The following PLXNA4 variants were observed in gnomAD, a reference collection of about 807,000 sequenced individuals.
PLXNA4 encodes plexin-A4.
A neutral mutation model predicts 191.8 loss-of-function variants in PLXNA4; 44 were observed. The ratio of observed to expected loss-of-function variants is 0.23; its 90% confidence interval spans 0.18 to 0.29. PLXNA4 has a LOEUF of 0.29. PLXNA4 is among the 10% of genes least tolerant of loss of function. The pLI, the probability that PLXNA4 is intolerant of heterozygous loss-of-function variation, is 1.00. For synonymous variants in PLXNA4, 1,082 were observed against 1,009.5 expected (o/e 1.07, Z -1.36); for missense variants, 1,800 against 2,488.8 (o/e 0.72, Z 5.89).
chr7:132,378,186 C>A (rs1042496683), intron 3 of PLXNA4, among the ~76,000 whole-genome samples: 2 of 152,204 alleles, frequency 1.3e-5, no homozygotes, highest in African/African-American at 4.8e-5. Flanking sequence ...GGAGCACTAG[C>A]TGTGGCAGCT....
At chr7:132,372,090 C>A (rs1804464453) in intron 3 of PLXNA4, among the ~76,000 whole-genome samples, 2 of 152,216 alleles carry the variant, frequency 1.3e-5, no homozygotes, top group African/African-American at 2.4e-5. Flanking sequence ...ACACTCCCAC[C>A]AGCTGTACTC....
At chr7:132,300,260 A>G (rs1801254158) in intron 3 of PLXNA4, among the ~76,000 whole-genome samples, 1 of 152,060 alleles carries the variant, frequency 6.6e-6, no homozygotes, top group East Asian at 1.9e-4. Context: ...TCCTACCACC[A>G]GTTACATGAG....
chr7:132,368,856 G>T (rs1804306107), intron 3 of PLXNA4, among the ~76,000 whole-genome samples: 1 of 152,180 alleles, frequency 6.6e-6, no homozygotes, highest in Admixed American at 6.5e-5. Context: ...TGGATTTCAG[G>T]CAATGACCTT....
chr7:132,528,255 A>G (rs1799484500), intron 1 of PLXNA4, among the ~76,000 whole-genome samples: 1 of 152,192 alleles, frequency 6.6e-6, no homozygotes, highest in African/African-American at 2.4e-5. Context: ...GAGGCGCAGC[A>G]GTTGGACACG....
intron 2 of PLXNA4, among the ~76,000 whole-genome samples, chr7:132,623,327 CAA>C (rs1361610295): frequency 1.4e-5 from 2 of 144,546 alleles, no homozygotes; most frequent in Non-Finnish European, 1.5e-5. Context: ...GCCTGGGTGA[CAA>C]GAGCAAAATT....
chr7:132,365,370 C>CGCGCGT (rs1481756284), intron 3 of PLXNA4, among the ~76,000 whole-genome samples: 122 of 139,266 alleles, frequency 8.8e-4, no homozygotes, highest in East Asian at 6.0e-4. Context: ...TGCGTGCGCG[C>CGCGCGT]GCATGCATGG....
chr7:132,478,369 T>C (rs953993526), intron 3 of PLXNA4, among the ~76,000 whole-genome samples: 15 of 152,190 alleles, frequency 9.9e-5, no homozygotes, highest in African/African-American at 3.1e-4. Flanking sequence ...CATGCAACAT[T>C]TAAAAAAATA....
rs1425586989 is a variant in PLXNA4, at chr7:132,202,798, C to T, written c.2434G>A (p.Gly812Arg). 2 of 1,607,734 alleles carry T rather than the reference C, an allele frequency of 1.2e-6. No homozygotes were observed. The highest frequency in any genetic ancestry group is 1.1e-5 in the South Asian group (1 of 89,918). ...YKCGAMRESC[G>R]LCLKADPDFA... ...TCTGGGTCAGCCTTGAGGCACAGCC[C>T]GCAGCTCTCACGCATGGCTCCACAC... is the stretch of plus-strand genomic sequence containing the variant. Residue 812 changes from glycine to arginine, a missense_variant, in exon 12 of 32, where the codon GGG becomes AGG. Around this residue, in one of 6 missense-constraint regions of PLXNA4, gnomAD observed 1,397 missense variants for 1,880.4 expected, o/e 0.74. Transcript: ENST00000321063.
intron 2 of PLXNA4, among the ~76,000 whole-genome samples, chr7:132,505,112 G>A (rs921561433): frequency 2.0e-5 from 3 of 152,124 alleles, no homozygotes; most frequent in East Asian, 1.9e-4. Context: ...TTCTACTCTC[G>A]GCCCTGAACT....
At chr7:132,284,172 C>T (rs1800594971) in intron 4 of PLXNA4, among the ~76,000 whole-genome samples, 1 of 152,170 alleles carries the variant, frequency 6.6e-6, no homozygotes. Flanking sequence ...GACCCTATCT[C>T]TAAAAATCTT....
At chr7:132,374,339 C>A (rs1804569562) in intron 3 of PLXNA4, among the ~76,000 whole-genome samples, 1 of 152,140 alleles carries the variant, frequency 6.6e-6, no homozygotes, top group Admixed American at 6.5e-5. Context: ...CTGTCACATG[C>A]AATTCTATCC....
chr7:132,453,608 C>T (rs1796210441), intron 3 of PLXNA4, among the ~76,000 whole-genome samples: 1 of 151,846 alleles, frequency 6.6e-6, no homozygotes, highest in Non-Finnish European at 1.5e-5. Flanking sequence ...GTGGCGCAAT[C>T]TCGGCTCACT....
At chr7:132,647,801 G>C (rs939679830) in intron 1 of PLXNA4, among the ~76,000 whole-genome samples, 1 of 150,286 alleles carries the variant, frequency 6.7e-6, no homozygotes, top group African/African-American at 2.5e-5. Context: ...TACACACACA[G>C]TCACACACAT....
intron 2 of PLXNA4, among the ~76,000 whole-genome samples, chr7:132,588,124 G>A (rs1280641237): frequency 2.6e-5 from 4 of 152,054 alleles, no homozygotes; most frequent in African/African-American, 9.6e-5. Flanking sequence ...GGATCTTAAT[G>A]TCCCACAGAG....
At chr7:132,410,802 C>G (rs1794427001) in intron 3 of PLXNA4, among the ~76,000 whole-genome samples, 2 of 152,192 alleles carry the variant, frequency 1.3e-5, no homozygotes, top group South Asian at 4.1e-4. Flanking sequence ...TGCCTCGACT[C>G]CAGCTAGTTC....
intron 2 of PLXNA4, among the ~76,000 whole-genome samples, chr7:132,606,553 C>T (rs1035252451): frequency 5.3e-5 from 8 of 152,210 alleles, no homozygotes; most frequent in Admixed American, 1.3e-4. Context: ...TAGGCTAAAT[C>T]GCACATAAGT....
intron 3 of PLXNA4, among the ~76,000 whole-genome samples, chr7:132,457,079 G>A (rs554062552): frequency 1.3e-5 from 2 of 152,114 alleles, no homozygotes; most frequent in Non-Finnish European, 2.9e-5. Context: ...AACAATTTTA[G>A]ATTTATAGCA....
chr7:132,244,912 T>C (rs1798996708), intron 4 of PLXNA4, among the ~76,000 whole-genome samples: 1 of 152,250 alleles, frequency 6.6e-6, no homozygotes. Context: ...CTTGCTAGTA[T>C]GTTGCACAGG....
intron 1 of PLXNA4, among the ~76,000 whole-genome samples, chr7:132,565,651 A>T (rs1801687915): frequency 6.6e-6 from 1 of 152,186 alleles, no homozygotes; most frequent in African/African-American, 2.4e-5. Flanking sequence ...ATTCTTTCTG[A>T]GGACCAAAGA....
Sources: gnomAD v4.1 joint callset for allele counts (sites outside exome capture counted in the v4.1 genomes callset) on GRCh38, gnomAD v4.1.1 for gene constraint, gnomAD v4.1.1 regional missense constraint, MANE v1.5 for transcripts, NCBI Gene and HGNC (gene_info 2026-07-23, HGNC 2026-07-21) for gene names.